The following FGF12 variants were observed in gnomAD, a reference collection of about 807,000 sequenced individuals.
FGF12 encodes fibroblast growth factor 12B.
A neutral mutation model predicts 23.6 loss-of-function variants in FGF12; 14 were observed. That is an observed-to-expected ratio of 0.59 (90% CI 0.39 to 0.93). The LOEUF (loss-of-function observed/expected upper bound fraction) is 0.93, where lower values mean the gene tolerates loss of function less well. FGF12 is among the 40% of genes least tolerant of loss of function. FGF12 has a pLI of 0.00. For synonymous variants in FGF12, 62 were observed against 77.3 expected, an observed-to-expected ratio of 0.80 and a Z score of 1.04; for missense variants, 175 against 217.8, an observed-to-expected ratio of 0.80 and a Z score of 1.24.
intron 4 of FGF12, among the ~76,000 whole-genome samples, chr3:192,265,073 T>C (rs761627180): frequency 9.9e-5 from 15 of 152,198 alleles, no homozygotes; most frequent in Middle Eastern, 3.4e-3. Context: ...AAGGGAACCA[T>C]TGAAGATAAA....
chr3:192,644,254 G>A (rs1025000323), intron 2 of FGF12, among the ~76,000 whole-genome samples: 1 of 152,020 alleles, frequency 6.6e-6, no homozygotes, highest in Non-Finnish European at 1.5e-5. Context: ...CAATAACTTA[G>A]TCTGAACATA....
chr3:192,420,937 C>A (rs1481314392), intron 2 of FGF12, among the ~76,000 whole-genome samples: 1 of 152,012 alleles, frequency 6.6e-6, no homozygotes. Context: ...AAACTCAAAA[C>A]CAATTGGAGA....
At chr3:192,581,506 ATATAC>A (rs1713157200) in intron 2 of FGF12, among the ~76,000 whole-genome samples, 1 of 141,820 alleles carries the variant, frequency 7.1e-6, no homozygotes, top group Non-Finnish European at 1.6e-5. Context: ...ATATATATAT[ATATAC>A]AGGAAGAATA....
In FGF12 at chr3:192,408,260, T is replaced by G. The variant is rs1721048505; in HGVS notation, c.14-47722A>C. On this transcript the variant is annotated intron_variant, in intron 2 of 5. Transcript: ENST00000445105. This position sits in a 1 kb window ranked among gnomAD's most constrained non-coding sequence, Gnocchi z 7.3. ...GAGGGCCTCAGGCCCCAGCCTCTAC[T>G]GCGCCCTCCGGCTTGCGCTCCGCCG... 7 of 1,539,692 alleles carry G rather than the reference T, an allele frequency of 4.5e-6. No homozygotes were observed. In the African/African-American group the frequency reaches 9.6e-5, roughly 21 times the overall value.
Position 192,140,462 on chromosome 3 carries a change from TA to T in FGF12, c.*3546del, listed in dbSNP as rs1439958678. ...TTTGCTATTTCTGGGTCTATGTTTT[TA>T]AAAAATTACTGGCAACGTAGTCATA... is the stretch of plus-strand genomic sequence containing the variant. On this transcript the variant is annotated 3_prime_UTR_variant, in exon 6 of 6. Coordinates refer to ENST00000445105, the MANE Select transcript of FGF12 (RefSeq NM_004113.6). The T allele has an allele frequency of 6.6e-6, 1 of 152,016 alleles. No individual in the cohort carries two copies. Among genetic ancestry groups the T allele is most frequent in the Non-Finnish European group, 1.5e-5 (1 of 67,900 alleles). 9.4% of individuals were successfully genotyped at this position (152,016 alleles called of 1,614,324 possible).
intron 2 of FGF12, among the ~76,000 whole-genome samples, chr3:192,544,297 C>T (rs144546268): frequency 6.6e-6 from 1 of 152,144 alleles, no homozygotes; most frequent in Non-Finnish European, 1.5e-5. Flanking sequence ...TCTTTTCCAC[C>T]CTCTTCAGTG....
intron 5 of FGF12, among the ~76,000 whole-genome samples, chr3:192,164,438 G>C (rs1360327364): frequency 6.6e-6 from 1 of 152,178 alleles, no homozygotes; most frequent in African/African-American, 2.4e-5. Context: ...CACAGGATGA[G>C]ACGTGAAAGA....
chr3:192,316,454 G>C (rs953458886), intron 4 of FGF12, among the ~76,000 whole-genome samples: 1 of 152,146 alleles, frequency 6.6e-6, no homozygotes, highest in African/African-American at 2.4e-5. Flanking sequence ...TGTGTGTTTG[G>C]GGTAAGGAGA....
At chr3:192,405,739 G>C (rs1006484532) in intron 2 of FGF12, among the ~76,000 whole-genome samples, 5 of 152,218 alleles carry the variant, frequency 3.3e-5, no homozygotes, top group Admixed American at 2.0e-4. Context: ...TGTGGAAGGT[G>C]CTATCTCTCT....
At chr3:192,656,310 CACACACACACAG>C (rs747982837) in intron 2 of FGF12, among the ~76,000 whole-genome samples, 2 of 98,564 alleles carry the variant, frequency 2.0e-5, no homozygotes, top group African/African-American at 6.8e-5. Flanking sequence ...CACACACACA[CACACACACACAG>C]AGAGAGAATT....
intron 4 of FGF12, among the ~76,000 whole-genome samples, chr3:192,198,845 C>G (rs892563070): frequency 6.6e-6 from 1 of 152,220 alleles, no homozygotes; most frequent in Non-Finnish European, 1.5e-5. Context: ...TACTCAGCTT[C>G]TCTGGACACT....
chr3:192,565,452 G>T (rs1392611559), intron 2 of FGF12, among the ~76,000 whole-genome samples: 1 of 152,210 alleles, frequency 6.6e-6, no homozygotes, highest in African/African-American at 2.4e-5. Flanking sequence ...ACAATGGACT[G>T]CATAATAGTA....
intron 3 of FGF12, among the ~76,000 whole-genome samples, chr3:192,345,859 A>C (rs1392916925): frequency 6.6e-6 from 1 of 152,204 alleles, no homozygotes; most frequent in African/African-American, 2.4e-5. Context: ...AGTTTTTCTT[A>C]GATAAAATTA....
rs1333741403 is a variant in FGF12 at position 192,409,671 on chromosome 3, GGCGGCTGAGGCTCCTGGCCGGAGCT to G, written c.14-49158_14-49134del. Among the ~76,000 whole-genome samples the G allele has an allele frequency of 1.3e-5, 2 of 152,172 alleles. No individual in the cohort carries two copies. Among genetic ancestry groups the G allele is most frequent in the African/African-American group, 4.8e-5 (2 of 41,452 alleles). ...CTGGCTGCAGGCGATGTTGGCTCGC[GGCGGCTGAGGCTCCTGGCCGGAGCT>G]GCCCACCATGGTCTGGCGCCAGGGG... is the stretch of plus-strand genomic sequence containing the variant. On this transcript the variant is annotated intron_variant, in intron 2 of 5. Transcript: ENST00000445105. The surrounding 1 kb of genome is among the most constrained non-coding windows in gnomAD (Gnocchi z 4.8).
intron 2 of FGF12, among the ~76,000 whole-genome samples, chr3:192,413,067 C>T (rs186940638): frequency 1.3e-5 from 2 of 152,200 alleles, no homozygotes; most frequent in Non-Finnish European, 2.9e-5. Flanking sequence ...TATATATAGT[C>T]TATGTTTTTG....
chr3:192,407,952 G>C, intron 2 of FGF12: 1 of 1,462,786 alleles, frequency 6.8e-7, no homozygotes, highest in Non-Finnish European at 9.1e-7. Context: ...TTCCACGGGG[G>C]TCCCGAGGTG....
intron 2 of FGF12, among the ~76,000 whole-genome samples, chr3:192,675,789 A>G (rs150393258): frequency 1.3e-5 from 2 of 152,334 alleles, no homozygotes; most frequent in East Asian, 1.9e-4. Context: ...CAAGTCAACA[A>G]TTCCCTGATG....
chr3:192,256,685 G>A (rs1314127130), intron 4 of FGF12, among the ~76,000 whole-genome samples: 7 of 152,126 alleles, frequency 4.6e-5, no homozygotes, highest in African/African-American at 1.7e-4. Context: ...AGATTCCTTA[G>A]GCAACAGCAT....
chr3:192,501,753 C>T (rs1275673887), intron 2 of FGF12, among the ~76,000 whole-genome samples: 1 of 152,170 alleles, frequency 6.6e-6, no homozygotes, highest in Non-Finnish European at 1.5e-5. Flanking sequence ...TCTGCTAGAA[C>T]AATGACAATG....
Sources: allele counts gnomAD v4.1 joint callset (sites outside exome capture counted in the v4.1 genomes callset), GRCh38; gene constraint gnomAD v4.1.1; non-coding constraint Gnocchi (gnomAD v3.1); transcripts MANE v1.5; gene names NCBI Gene and HGNC (gene_info 2026-07-23, HGNC 2026-07-21).